ZC3H12B: variants seen among roughly 807,000 people sequenced by gnomAD.
ZC3H12B encodes zinc finger CCCH-type containing 12B.
In ZC3H12B, 7 loss-of-function variants were observed where a neutral mutation model predicts 43.9. That is an observed-to-expected ratio of 0.16 (90% CI 0.09 to 0.30). ZC3H12B has a LOEUF of 0.30. Ranked by LOEUF, ZC3H12B falls within the 10% of genes least tolerant of loss-of-function variation. The pLI, the probability that ZC3H12B is intolerant of heterozygous loss-of-function variation, is 1.00. For missense variants in ZC3H12B, 475 were observed against 670.2 expected, an observed-to-expected ratio of 0.71 and a Z score of 3.22; for synonymous variants, 222 against 241.7, an observed-to-expected ratio of 0.92 and a Z score of 0.76.
At chrX:65,206,658 G>C in the ZC3H12B span, among the ~76,000 whole-genome samples, 1 of 111,192 alleles carries the variant, frequency 9.0e-6, no homozygotes, top group Non-Finnish European at 1.9e-5. Flanking sequence ...AAAATAAATA[G>C]ATAGGACTTA....
At chrX:65,364,690 G>A (rs2066150639), upstream of ZC3H12B, among the ~76,000 whole-genome samples, 1 of 111,421 alleles carries the variant, frequency 9.0e-6, no homozygotes, top group Non-Finnish European at 1.9e-5. Flanking sequence ...TTCCTTGTAG[G>A]TTACAAGCCA....
chrX:65,384,074 G>A (rs1413670205), intron 2 of ZC3H12B, among the ~76,000 whole-genome samples: 3 of 101,855 alleles, frequency 2.9e-5, no homozygotes, highest in African/African-American at 1.1e-4. Flanking sequence ...GCACACGTAT[G>A]TTTATTGCGG....
At chrX:65,064,819 G>T in the ZC3H12B span, among the ~76,000 whole-genome samples, 1 of 111,523 alleles carries the variant, frequency 9.0e-6, no homozygotes, top group South Asian at 3.8e-4. Context: ...TATGAATCTC[G>T]GTCCTCCTTT....
chrX:65,406,917 C>T (rs2066836018), intron 3 of ZC3H12B, among the ~76,000 whole-genome samples: 1 of 112,388 alleles, frequency 8.9e-6, no homozygotes, highest in African/African-American at 3.2e-5. Flanking sequence ...CCGGACTCGC[C>T]GGCAGAGTTT....
At chrX:65,370,226 T>C (rs977747632) in intron 2 of ZC3H12B, among the ~76,000 whole-genome samples, 1 of 112,490 alleles carries the variant, frequency 8.9e-6, no homozygotes, top group Non-Finnish European at 1.9e-5. Flanking sequence ...TCTTTAGTAA[T>C]ATTTTTCAGA....
intron 3 of ZC3H12B, among the ~76,000 whole-genome samples, chrX:65,455,227 G>A (rs768076772): frequency 9.9e-5 from 11 of 111,666 alleles, no homozygotes; most frequent in African/African-American, 3.3e-4. Context: ...TAAAAACCTT[G>A]AAAAAAGATT....
At chrX:65,298,890 A>T in the ZC3H12B span, among the ~76,000 whole-genome samples, 1 of 111,661 alleles carries the variant, frequency 9.0e-6, no homozygotes, top group Non-Finnish European at 1.9e-5. Flanking sequence ...CAGGAAAGAG[A>T]TGTGCCAAGC....
the ZC3H12B span, among the ~76,000 whole-genome samples, chrX:65,115,407 A>T: frequency 1.8e-5 from 2 of 110,977 alleles, no homozygotes; most frequent in Non-Finnish European, 3.8e-5. Context: ...TTTGCTAAAT[A>T]CTATTCAATG....
At chrX:65,429,841 G>A (rs1328872273) in intron 3 of ZC3H12B, among the ~76,000 whole-genome samples, 1 of 111,936 alleles carries the variant, frequency 8.9e-6, no homozygotes. Context: ...TTCATTAGAG[G>A]GATCCCTTTC....
chrX:65,259,783 G>A, the ZC3H12B span, among the ~76,000 whole-genome samples: 6 of 111,603 alleles, frequency 5.4e-5, no homozygotes, highest in African/African-American at 2.0e-4. Context: ...CGTGTTTATA[G>A]CAGCACAATT....
At chrX:65,294,033 A>T in the ZC3H12B span, among the ~76,000 whole-genome samples, 3 of 111,691 alleles carry the variant, frequency 2.7e-5, no homozygotes, top group Non-Finnish European at 3.8e-5. Context: ...CCAAAAGATC[A>T]TCAACTAGCC....
the ZC3H12B span, among the ~76,000 whole-genome samples, chrX:65,108,073 TTGACACTTATGG>T: frequency 9.0e-6 from 1 of 111,240 alleles, no homozygotes; most frequent in Admixed American, 9.6e-5. Context: ...ACACCTGTAT[TTGACACTTATGG>T]TGAATGGAGC....
At chrX:65,475,327 T>A (rs1228367736) in intron 3 of ZC3H12B, among the ~76,000 whole-genome samples, 1 of 112,000 alleles carries the variant, frequency 8.9e-6, no homozygotes, top group African/African-American at 3.2e-5. Context: ...TATTTCTTTG[T>A]AAGGCAGATC....
At chrX:65,103,161 G>A in the ZC3H12B span, among the ~76,000 whole-genome samples, 15 of 111,203 alleles carry the variant, frequency 1.3e-4, 1 homozygote, top group East Asian at 5.7e-4. Context: ...GGCTTATTTC[G>A]TCCCTTATCT....
chrX:65,417,477 G>A (rs1028727957), intron 3 of ZC3H12B, among the ~76,000 whole-genome samples: 3 of 112,425 alleles, frequency 2.7e-5, no homozygotes, highest in South Asian at 7.4e-4. Flanking sequence ...TATGAGTAAA[G>A]GTGTATGAGC....
At chrX:65,270,234 A>T in the ZC3H12B span, among the ~76,000 whole-genome samples, 1 of 111,997 alleles carries the variant, frequency 8.9e-6, no homozygotes. Context: ...ATCCAAACAC[A>T]TATGATCAAC....
At chrX:65,428,158 G>A (rs956259631) in intron 3 of ZC3H12B, among the ~76,000 whole-genome samples, 22 of 111,871 alleles carry the variant, frequency 2.0e-4, no homozygotes, top group Non-Finnish European at 1.9e-4. Context: ...TCCCTTTGTA[G>A]GTGGCCTGGC....
chrX:65,441,293 C>T (rs1386769108), intron 3 of ZC3H12B, among the ~76,000 whole-genome samples: 3 of 112,106 alleles, frequency 2.7e-5, no homozygotes, highest in African/African-American at 6.5e-5. Flanking sequence ...GCGGCTTTAC[C>T]AATTCCAACT....
chrX:65,446,914 G>T (rs1194551802), intron 3 of ZC3H12B, among the ~76,000 whole-genome samples: 1 of 111,722 alleles, frequency 9.0e-6, no homozygotes, highest in Non-Finnish European at 1.9e-5. Context: ...ATTACTGGGG[G>T]TTCTATTCAG....
Sources: gnomAD v4.1 joint callset for allele counts (sites outside exome capture counted in the v4.1 genomes callset) on GRCh38, gnomAD v4.1.1 for gene constraint, MANE v1.5 for transcripts, NCBI Gene and HGNC (gene_info 2026-07-23, HGNC 2026-07-21) for gene names.